ADGRV1: variants seen among roughly 807,000 people sequenced by gnomAD.
ADGRV1 encodes adhesion G protein-coupled receptor V1.
A neutral mutation model predicts 596.2 loss-of-function variants in ADGRV1; 359 were observed. The observed-to-expected ratio is 0.60, with a 90% CI of 0.55 to 0.66. The LOEUF is 0.66. ADGRV1 is among the 30% of genes least tolerant of loss of function. ADGRV1 has a pLI of 0.00. For missense variants in ADGRV1, 7,274 were observed against 7,575.6 expected (o/e 0.96, Z 1.48); for synonymous variants, 2,681 against 2,679.2 (o/e 1.00, Z -0.02).
chr5:90,835,289 C>A (rs929394054), intron 77 of ADGRV1, among the ~76,000 whole-genome samples: 2 of 152,244 alleles, frequency 1.3e-5, no homozygotes, highest in Non-Finnish European at 2.9e-5. Context: ...GTTGCTCTTG[C>A]AGACTCCTAG....
chr5:91,009,951 C>T (rs993623713), intron 85 of ADGRV1, among the ~76,000 whole-genome samples: 2 of 151,802 alleles, frequency 1.3e-5, no homozygotes, highest in Non-Finnish European at 2.9e-5. Context: ...CTTAAAACAT[C>T]ACAAGTTGCT....
At chr5:91,136,039 G>A (rs1462827329) in intron 87 of ADGRV1, among the ~76,000 whole-genome samples, 3 of 152,152 alleles carry the variant, frequency 2.0e-5, no homozygotes, top group Non-Finnish European at 2.9e-5. Flanking sequence ...AAGTATGGCT[G>A]GTTCAGTATG....
chr5:90,901,006 G>A (rs1298758371), intron 83 of ADGRV1, among the ~76,000 whole-genome samples: 1 of 152,004 alleles, frequency 6.6e-6, no homozygotes, highest in African/African-American at 2.4e-5. Context: ...ATATGCAGGG[G>A]TGAATTTCTT....
chr5:91,098,146 T>C (rs912635976), intron 86 of ADGRV1, among the ~76,000 whole-genome samples: 2 of 152,210 alleles, frequency 1.3e-5, no homozygotes, highest in Admixed American at 6.5e-5. Context: ...AGAGAAGTTA[T>C]TAGTAGTTCA....
At chr5:90,870,073 G>A (rs1768517853) in intron 83 of ADGRV1, among the ~76,000 whole-genome samples, 1 of 152,170 alleles carries the variant, frequency 6.6e-6, no homozygotes, top group Non-Finnish European at 1.5e-5. Flanking sequence ...GTGCAATTTT[G>A]AGCATGAGGG....
At chr5:90,573,998 T>C (rs1756882855) in intron 1 of ADGRV1, among the ~76,000 whole-genome samples, 1 of 152,218 alleles carries the variant, frequency 6.6e-6, no homozygotes, top group Admixed American at 6.5e-5. Context: ...TTCTATTTTG[T>C]TCCATTGGTC....
chr5:90,564,762 GACTACAGGCGCCCGCC>G (rs1755376277), intron 1 of ADGRV1, among the ~76,000 whole-genome samples: 1 of 89,586 alleles, frequency 1.1e-5, no homozygotes, highest in African/African-American at 5.8e-5. Context: ...GAGTAGCTGG[GACTACAGGCGCCCGCC>G]ACTGCGCCCG....
intron 50 of ADGRV1, among the ~76,000 whole-genome samples, chr5:90,739,164 T>C (rs955728523): frequency 6.6e-6 from 1 of 152,058 alleles, no homozygotes; most frequent in Non-Finnish European, 1.5e-5. Flanking sequence ...TTGTTTTTAT[T>C]TCTTTGTCAA....
Position 90,784,028 on chromosome 5 carries a change from C to A in ADGRV1, c.13624C>A (p.Arg4542=), listed in dbSNP as rs755958436. The change falls in exon 67 of 90, where the codon CGG becomes AGG. Residue 4542 remains arginine, a synonymous_variant. Transcript: ENST00000405460. The part of the protein sequence containing the change: ...STMILSLVLE[R]TGGLLGEIQV... ...AATGATTTTATCACTGGTGCTGGAG[C>A]GGACTGGAGGACTCTTGGGAGAGAT... 3.7e-6 allele frequency: 6 copies of A among 1,612,232 alleles called. No homozygotes were observed. The highest frequency in any genetic ancestry group is 4.2e-6 in the Non-Finnish European group (5 of 1,179,010).
chr5:90,878,740 G>A (rs887909026), intron 83 of ADGRV1, among the ~76,000 whole-genome samples: 9 of 152,164 alleles, frequency 5.9e-5, no homozygotes, highest in Admixed American at 5.2e-4. Flanking sequence ...GGAGTGCTGG[G>A]GAGATTTATA....
intron 86 of ADGRV1, among the ~76,000 whole-genome samples, chr5:91,098,772 G>A (rs1401468913): frequency 2.7e-5 from 4 of 150,710 alleles, no homozygotes; most frequent in Admixed American, 6.6e-5. Context: ...CATACCACTC[G>A]CTTTGCTCTA....
intron 11 of ADGRV1, among the ~76,000 whole-genome samples, chr5:90,641,340 G>A (rs960199067): frequency 3.9e-5 from 6 of 152,114 alleles, no homozygotes; most frequent in East Asian, 3.8e-4. Context: ...TCTCAGAGCC[G>A]TATACAGAAC....
At chr5:91,007,394 G>A (rs1318801629) in intron 85 of ADGRV1, among the ~76,000 whole-genome samples, 1 of 148,762 alleles carries the variant, frequency 6.7e-6, no homozygotes, top group Non-Finnish European at 1.5e-5. Flanking sequence ...TTCCTCCTTT[G>A]ATCTCCCTAC....
At chr5:90,960,443 G>A (rs948395493) in intron 83 of ADGRV1, among the ~76,000 whole-genome samples, 1 of 152,114 alleles carries the variant, frequency 6.6e-6, no homozygotes, top group African/African-American at 2.4e-5. Flanking sequence ...TTACAAAAAT[G>A]TACTTTAAAA....
intron 42 of ADGRV1, 103 bp downstream of exon 42, chr5:90,712,531 C>T: frequency 4.6e-6 from 4 of 868,898 alleles, no homozygotes; most frequent in Non-Finnish European, 7.0e-6. Flanking sequence ...GTTTTCTGTG[C>T]TTAAAATGAG....
intron 75 of ADGRV1, among the ~76,000 whole-genome samples, chr5:90,815,998 C>T (rs934013437): frequency 9.2e-5 from 14 of 152,150 alleles, no homozygotes; most frequent in Non-Finnish European, 1.2e-4. Flanking sequence ...ATCATATTGC[C>T]TATTATCTGC....
In ADGRV1 at chr5:90,651,739, A is replaced by G. The variant is rs1228297663; in HGVS notation, c.3416+9A>G. 1.9e-6 allele frequency: 3 copies of G among 1,576,038 alleles called. No homozygotes were observed. Among genetic ancestry groups the G allele is most frequent in the South Asian group, 2.2e-5 (2 of 88,988 alleles). ...AAGACTAATGCATTTTGGTAAGCAT[A>G]TGTAGATAAGGCAAGTTTAAAATTG... On this transcript the variant is annotated intron_variant, in intron 18 of 89. Coordinates refer to ENST00000405460, the MANE Select transcript of ADGRV1 (RefSeq NM_032119.4).
intron 83 of ADGRV1, among the ~76,000 whole-genome samples, chr5:90,879,919 C>T (rs893435873): frequency 4.0e-5 from 6 of 151,872 alleles, no homozygotes; most frequent in Non-Finnish European, 8.8e-5. Context: ...CCACTGCACT[C>T]CAGTCTGGGT....
At chr5:90,849,527 C>G (rs1351191390) in intron 79 of ADGRV1, among the ~76,000 whole-genome samples, 2 of 152,046 alleles carry the variant, frequency 1.3e-5, no homozygotes, top group Non-Finnish European at 2.9e-5. Flanking sequence ...ATAGCTGGGA[C>G]CAGAGGCGTG....
Sources: allele counts gnomAD v4.1 joint callset (sites outside exome capture counted in the v4.1 genomes callset), GRCh38; gene constraint gnomAD v4.1.1; transcripts MANE v1.5; gene names NCBI Gene and HGNC (gene_info 2026-07-23, HGNC 2026-07-21).